Variants in NTRK3 observed in about 807,000 individuals in gnomAD.
NTRK3 encodes neurotrophic receptor tyrosine kinase 3.
In NTRK3, 24 loss-of-function variants were observed where a neutral mutation model predicts 91.7. The observed-to-expected ratio is 0.26, with a 90% CI of 0.19 to 0.37. The LOEUF is 0.37. Ranked by LOEUF, NTRK3 falls within the 10% of genes least tolerant of loss-of-function variation. NTRK3 has a pLI of 1.00. For synonymous variants in NTRK3, 483 were observed against 404.0 expected (o/e 1.20, Z -2.34); for missense variants, 880 against 1,068.9 (o/e 0.82, Z 2.46).
intron 13 of NTRK3, among the ~76,000 whole-genome samples, chr15:88,047,893 T>A (rs969906452): frequency 6.6e-6 from 1 of 152,176 alleles, no homozygotes; most frequent in African/African-American, 2.4e-5. Flanking sequence ...AAGATAGTCA[T>A]GGGTAGAATC....
chr15:87,914,069 G>C (rs1231270309), intron 17 of NTRK3, among the ~76,000 whole-genome samples: 1 of 152,150 alleles, frequency 6.6e-6, no homozygotes, highest in Non-Finnish European at 1.5e-5. Context: ...CTGTTGTTAG[G>C]CTTTCTTAGC....
At chr15:88,109,321 A>AGAAGAGGGG (rs1465211489) in intron 13 of NTRK3, among the ~76,000 whole-genome samples, 3 of 152,126 alleles carry the variant, frequency 2.0e-5, no homozygotes, top group African/African-American at 7.2e-5. Flanking sequence ...CAGGAGGGAG[A>AGAAGAGGGG]GAAGAGGGGA....
intron 17 of NTRK3, among the ~76,000 whole-genome samples, chr15:87,917,657 C>T (rs576296558): frequency 1.9e-4 from 29 of 152,256 alleles, no homozygotes; most frequent in African/African-American, 7.0e-4. Context: ...GGGGGTGGAT[C>T]CCTGAGGGAA....
intron 1 of NTRK3, 41 bp from the exon 2 acceptor site, chr15:88,256,527 A>T: frequency 1.9e-6 from 1 of 513,896 alleles, no homozygotes; most frequent in Non-Finnish European, 3.4e-6. Flanking sequence ...GCAAAAAAAA[A>T]AAAGGAAAAG....
intron 5 of NTRK3, among the ~76,000 whole-genome samples, chr15:88,161,084 G>A: frequency 6.6e-6 from 1 of 152,154 alleles, no homozygotes; most frequent in Non-Finnish European, 1.5e-5. Flanking sequence ...TGGCTGCTGG[G>A]GTCACAGAGG....
intron 3 of NTRK3, among the ~76,000 whole-genome samples, chr15:88,226,802 G>A (rs1241860658): frequency 1.3e-5 from 2 of 152,218 alleles, no homozygotes; most frequent in Admixed American, 1.3e-4. Context: ...ATTGTACCAG[G>A]CCAAGTGTTT....
chr15:87,894,308 C>T (rs957423826), intron 17 of NTRK3, among the ~76,000 whole-genome samples: 8 of 152,284 alleles, frequency 5.3e-5, no homozygotes, highest in African/African-American at 1.2e-4. Flanking sequence ...TTAAAATCAT[C>T]GGCACTCTTG....
At chr15:88,172,830 A>G (rs2045644259) in intron 5 of NTRK3, among the ~76,000 whole-genome samples, 2 of 152,298 alleles carry the variant, frequency 1.3e-5, no homozygotes, top group Middle Eastern at 3.4e-3. Flanking sequence ...GAGGACAGAC[A>G]CAAGCAGACA....
At chr15:88,081,873 A>C (rs1567357754) in intron 13 of NTRK3, among the ~76,000 whole-genome samples, 1 of 152,198 alleles carries the variant, frequency 6.6e-6, no homozygotes, top group Non-Finnish European at 1.5e-5. Context: ...GAGCCCATTC[A>C]GGTGCACTCA....
chr15:87,955,956 G>T (rs927622219), intron 14 of NTRK3, among the ~76,000 whole-genome samples: 2 of 152,102 alleles, frequency 1.3e-5, no homozygotes, highest in African/African-American at 4.8e-5. Context: ...GAGCTCATCG[G>T]TATAGAGAAG....
chr15:88,009,969 GAGA>G (rs1160181244), intron 14 of NTRK3, among the ~76,000 whole-genome samples: 4 of 152,322 alleles, frequency 2.6e-5, no homozygotes, highest in Admixed American at 2.6e-4. Flanking sequence ...AAACATCATG[GAGA>G]AAGTAAAGTA....
intron 3 of NTRK3, among the ~76,000 whole-genome samples, chr15:88,208,591 A>C (rs74031103): frequency 0.069 from 10,488 of 152,148 alleles, 1,140 homozygotes; most frequent in African/African-American, 0.23. Flanking sequence ...CATAGAACAC[A>C]CTTTGAGTAG....
At chr15:88,220,740 C>T (rs994709407) in intron 3 of NTRK3, among the ~76,000 whole-genome samples, 4 of 152,170 alleles carry the variant, frequency 2.6e-5, no homozygotes, top group Admixed American at 2.0e-4. Context: ...AGAGCGGGAA[C>T]GTCCAAAAGA....
intron 3 of NTRK3, among the ~76,000 whole-genome samples, chr15:88,215,241 A>C (rs1035321432): frequency 1.3e-5 from 2 of 152,232 alleles, no homozygotes; most frequent in African/African-American, 4.8e-5. Context: ...CTTCCTTGAC[A>C]AATCCCAGTT....
chr15:88,150,725 A>T (rs538887420), intron 5 of NTRK3, among the ~76,000 whole-genome samples: 1 of 152,328 alleles, frequency 6.6e-6, no homozygotes, highest in African/African-American at 2.4e-5. Flanking sequence ...TGCCAGACAC[A>T]CAGTAGAAGC....
intron 14 of NTRK3, among the ~76,000 whole-genome samples, chr15:87,944,080 C>T (rs556346588): frequency 1.3e-5 from 2 of 152,264 alleles, no homozygotes; most frequent in African/African-American, 4.8e-5. Context: ...CTGTCCTTAG[C>T]CCTGGGTAGG....
intron 13 of NTRK3, among the ~76,000 whole-genome samples, chr15:88,111,202 T>G (rs2051312158): frequency 6.6e-6 from 1 of 152,192 alleles, no homozygotes; most frequent in African/African-American, 2.4e-5. Context: ...CTGCCTAAGC[T>G]GCCTCCTTGA....
chr15:88,009,422 GA>G (rs2076715429), intron 14 of NTRK3, among the ~76,000 whole-genome samples: 1 of 152,174 alleles, frequency 6.6e-6, no homozygotes, highest in Non-Finnish European at 1.5e-5. Flanking sequence ...ACAAGCTCTG[GA>G]AAAAGGTCCA....
chr15:87,912,113 C>T (rs138134270), intron 17 of NTRK3, among the ~76,000 whole-genome samples: 20 of 152,314 alleles, frequency 1.3e-4, no homozygotes, highest in East Asian at 5.8e-4. Flanking sequence ...CCTCAAATCA[C>T]GTTGCTGCTG....
Sources: allele counts gnomAD v4.1 joint callset (sites outside exome capture counted in the v4.1 genomes callset), GRCh38; gene constraint gnomAD v4.1.1; transcripts MANE v1.5; gene names NCBI Gene and HGNC (gene_info 2026-07-23, HGNC 2026-07-21).